Variants in HECW1 observed in about 807,000 individuals in gnomAD.
The protein encoded by HECW1 is HECT, C2 and WW domain containing E3 ubiquitin protein ligase 1.
A neutral mutation model predicts 182.3 loss-of-function variants in HECW1; 61 were observed. The observed-to-expected ratio is 0.33, with a 90% CI of 0.27 to 0.41. The LOEUF (loss-of-function observed/expected upper bound fraction) is 0.41. Ranked by LOEUF, HECW1 falls within the 10% of genes least tolerant of loss-of-function variation. HECW1 has a pLI of 1.00. For missense variants in HECW1, 1,739 were observed against 2,108.9 expected, an observed-to-expected ratio of 0.82 and a Z score of 3.44; for synonymous variants, 859 against 832.6, an observed-to-expected ratio of 1.03 and a Z score of -0.55.
intron 5 of HECW1, among the ~76,000 whole-genome samples, chr7:43,350,651 T>C (rs1423707176): frequency 6.6e-6 from 1 of 152,244 alleles, no homozygotes; most frequent in African/African-American, 2.4e-5. Flanking sequence ...TGTTCAGTTC[T>C]ATTGCTGTGA....
At chr7:43,442,289 A>C (rs1208014374) in intron 9 of HECW1, among the ~76,000 whole-genome samples, 1 of 152,246 alleles carries the variant, frequency 6.6e-6, no homozygotes, top group African/African-American at 2.4e-5. Context: ...TAAATGTATT[A>C]AATGCATTTT....
intron 2 of HECW1, among the ~76,000 whole-genome samples, chr7:43,168,315 G>A (rs933539850): frequency 2.0e-5 from 3 of 152,084 alleles, no homozygotes; most frequent in African/African-American, 4.8e-5. Context: ...TACAGTATGT[G>A]GTGTGCAGGG....
intron 2 of HECW1, among the ~76,000 whole-genome samples, chr7:43,206,392 C>A (rs1795485822): frequency 6.6e-6 from 1 of 152,114 alleles, no homozygotes; most frequent in Admixed American, 6.6e-5. Flanking sequence ...AAAAGGTCTA[C>A]CGTGCTTTTT....
In HECW1 at chr7:43,185,824, A is replaced by T. The variant is rs1166697390; in HGVS notation, c.-31-58051A>T. Among the ~76,000 whole-genome samples the T allele has an allele frequency of 2.0e-5, 3 of 152,196 alleles. No homozygotes were observed. The South Asian group carries it at 6.2e-4, about 32-fold the overall frequency. On this transcript the variant is annotated intron_variant, in intron 2 of 29. Transcript: ENST00000395891. ...AGTATTTGTTACATTTTCCTTTAAT[A>T]TAATTTAATTTTAAGTTATATAATT... is the stretch of plus-strand genomic sequence containing the variant.
chr7:43,527,708 C>A (rs1044998780), intron 24 of HECW1, among the ~76,000 whole-genome samples: 2 of 152,150 alleles, frequency 1.3e-5, no homozygotes, highest in Non-Finnish European at 2.9e-5. Context: ...TCATGGAAAC[C>A]ACCAAGTTTA....
chr7:43,320,627 G>A lies in HECW1; in HGVS notation c.353-8G>A, dbSNP rs761692824. 6.3e-7 allele frequency: 1 copy of A among 1,589,080 alleles called. No individual in the cohort carries two copies. Among genetic ancestry groups the A allele is most frequent in the African/African-American group, 1.3e-5 (1 of 74,614 alleles). On this transcript the variant is annotated splice_polypyrimidine_tract_variant and splice_region_variant and intron_variant, in intron 4 of 29. Coordinates refer to ENST00000395891, the MANE Select transcript of HECW1 (RefSeq NM_015052.5). ...TCTCTGCTCTGCTTTCTTCCTCTGG[G>A]AATATAGATGAGGTCTTGTCCGAAA...
At chr7:43,281,083 C>T (rs1473101131) in intron 3 of HECW1, among the ~76,000 whole-genome samples, 1 of 152,102 alleles carries the variant, frequency 6.6e-6, no homozygotes, top group Non-Finnish European at 1.5e-5. Context: ...GGAGGTGAGG[C>T]GATTTCTGAC....
intron 14 of HECW1, 84 bp downstream of exon 14, chr7:43,463,883 T>A: frequency 6.8e-7 from 1 of 1,459,986 alleles, no homozygotes; most frequent in South Asian, 1.2e-5. Context: ...CCCTGCCTCA[T>A]GGGGAGCAAT....
intron 5 of HECW1, among the ~76,000 whole-genome samples, chr7:43,322,014 T>C (rs1810184012): frequency 6.6e-6 from 1 of 152,200 alleles, no homozygotes; most frequent in South Asian, 2.1e-4. Flanking sequence ...TTTTGTAAGA[T>C]ATGGTTTCTG....
intron 29 of HECW1, among the ~76,000 whole-genome samples, chr7:43,560,443 CG>C (rs1295235576): frequency 3.3e-5 from 5 of 152,066 alleles, no homozygotes; most frequent in Admixed American, 3.3e-4. Context: ...GGAGCTTGAG[CG>C]GGGAAAGGGA....
intron 2 of HECW1, among the ~76,000 whole-genome samples, chr7:43,216,511 C>A (rs2152699240): frequency 6.6e-6 from 1 of 152,276 alleles, no homozygotes; most frequent in Non-Finnish European, 1.5e-5. Flanking sequence ...CCTTAGCCAT[C>A]AGCACCACTG....
chr7:43,259,034 C>T (rs567233563), intron 3 of HECW1, among the ~76,000 whole-genome samples: 15 of 152,190 alleles, frequency 9.9e-5, no homozygotes, highest in African/African-American at 3.4e-4. Flanking sequence ...AAAGTCAGCA[C>T]TCTCAAGGAA....
intron 17 of HECW1, among the ~76,000 whole-genome samples, chr7:43,490,576 T>G (rs377105577): frequency 1.3e-5 from 2 of 152,338 alleles, no homozygotes; most frequent in East Asian, 3.9e-4. Flanking sequence ...CTATAGATTT[T>G]AACATCTTAC....
chr7:43,154,352 T>G (rs575760173), intron 2 of HECW1, among the ~76,000 whole-genome samples: 22 of 152,318 alleles, frequency 1.4e-4, no homozygotes, highest in Admixed American at 1.4e-3. Flanking sequence ...TTTTCCTTAC[T>G]AGTTAAATAT....
At chr7:43,394,953 T>C (rs112498825) in intron 6 of HECW1, among the ~76,000 whole-genome samples, 18,094 of 152,004 alleles carry the variant, frequency 0.12, 1,271 homozygotes, top group Middle Eastern at 0.29. Context: ...GGAATGCTGA[T>C]TGGTCAGAGA....
At chr7:43,495,187 A>G (rs1585085665) in intron 19 of HECW1, among the ~76,000 whole-genome samples, 2 of 152,152 alleles carry the variant, frequency 1.3e-5, no homozygotes, top group Admixed American at 6.5e-5. Context: ...ACAGGTATAC[A>G]TGCACCATGG....
intron 3 of HECW1, among the ~76,000 whole-genome samples, chr7:43,308,392 A>C (rs903151010): frequency 7.1e-6 from 1 of 140,352 alleles, no homozygotes; most frequent in Non-Finnish European, 1.5e-5. Context: ...TATATATATA[A>C]AATCTTCACA....
At chr7:43,353,302 G>A (rs547069736) in intron 5 of HECW1, among the ~76,000 whole-genome samples, 3 of 152,160 alleles carry the variant, frequency 2.0e-5, no homozygotes, top group South Asian at 2.1e-4. Context: ...GGGATATTTA[G>A]GTTAAATAAA....
rs561282475 is a variant in HECW1 at position 43,261,629 on chromosome 7, C to T, written c.27+17697C>T. 9.9e-5 allele frequency among the ~76,000 whole-genome samples: 15 copies of T among 152,228 alleles called. No homozygotes were observed. In the South Asian group the frequency reaches 2.9e-3, roughly 30 times the overall value. On this transcript the variant is annotated intron_variant, in intron 3 of 29. Coordinates refer to ENST00000395891, the MANE Select transcript of HECW1 (RefSeq NM_015052.5). ...TACATGGTACCTTCAGTTAAACACA[C>T]GGGATAAGCACACCAGCAGGGGACA...
Sources: allele counts gnomAD v4.1 joint callset (sites outside exome capture counted in the v4.1 genomes callset), GRCh38; gene constraint gnomAD v4.1.1; transcripts MANE v1.5; gene names NCBI Gene and HGNC (gene_info 2026-07-23, HGNC 2026-07-21).